Variants in WWP2 observed in about 807,000 individuals in gnomAD.
WWP2 encodes WW domain containing E3 ubiquitin protein ligase 2.
A neutral mutation model predicts 121.0 loss-of-function variants in WWP2; 57 were observed. The observed-to-expected ratio is 0.47, with a 90% CI of 0.38 to 0.59. The LOEUF is 0.59. WWP2 is among the 20% of genes least tolerant of loss of function. The probability of loss-of-function intolerance (pLI) is 0.00; values close to 1 mark genes in which losing one functional copy is unlikely to be tolerated. For synonymous variants in WWP2, 449 were observed against 441.3 expected, an observed-to-expected ratio of 1.02 and a Z score of -0.22; for missense variants, 962 against 1,158.9, an observed-to-expected ratio of 0.83 and a Z score of 2.47.
rs1275168572 is a variant in WWP2 at position 69,888,052 on chromosome 16, C to A, written c.717C>A (p.Pro239=). ...GLANGTVNDE[P]TTATDPEEPS... Reference sequence around the variant, plus strand: ...GTGCATCTTCAGTGAATGATGAACCCACAACAGCCACTGATCCCGAAGAAC... The same window carrying A: ...GTGCATCTTCAGTGAATGATGAACCAACAACAGCCACTGATCCCGAAGAAC... Residue 239 remains proline, a synonymous_variant, in exon 8 of 24, where the codon CCC becomes CCA. Coordinates refer to ENST00000359154, the MANE Select transcript of WWP2 (RefSeq NM_001270454.2). 2 of 1,614,036 alleles carry A rather than the reference C, an allele frequency of 1.2e-6. No individual in the cohort carries two copies. The highest frequency in any genetic ancestry group is 1.7e-6 in the Non-Finnish European group (2 of 1,180,036).
chr16:69,932,732 CTG>C (rs2058735497), intron 16 of WWP2, among the ~76,000 whole-genome samples: 1 of 152,196 alleles, frequency 6.6e-6, no homozygotes, highest in Non-Finnish European at 1.5e-5. Context: ...GTCAGTAAAA[CTG>C]TAACGGCTTA....
intron 6 of WWP2, among the ~76,000 whole-genome samples, chr16:69,859,564 A>AG (rs755292823): frequency 1.3e-5 from 2 of 152,096 alleles, no homozygotes; most frequent in East Asian, 3.9e-4. Context: ...TCAAAAAAAA[A>AG]GAAAAAGAAA....
intron 7 of WWP2, among the ~76,000 whole-genome samples, chr16:69,874,259 C>T (rs900041736): frequency 2.0e-5 from 3 of 152,098 alleles, no homozygotes; most frequent in Non-Finnish European, 2.9e-5. Flanking sequence ...TCACCTTTGC[C>T]GTGGGGAGCA....
In WWP2 at chr16:69,840,200, A is replaced by G. The variant is rs371454354; in HGVS notation, c.415A>G (p.Ile139Val). Residue 139 changes from isoleucine to valine, a missense_variant, in exon 5 of 24, where the codon ATT becomes GTT. This residue lies in a region of WWP2 where 145 missense variants were observed against 189.8 expected (regional missense o/e 0.76). Transcript: ENST00000359154. ...CGTTGTCTCAGGCGGAGAGCTGACA[A>G]TTTTCCTGGACGGGCCAACTGTTGA... is the stretch of plus-strand genomic sequence containing the variant. Reference protein sequence around the residue: ...GSVVSGGELTIFLDGPTVDLG... With the variant: ...GSVVSGGELTVFLDGPTVDLG... The G allele has an allele frequency of 2.2e-5, 35 of 1,614,008 alleles. No individual in the cohort carries two copies. The African/African-American group carries it at 3.6e-4, about 17-fold the overall frequency.
rs759653665 is a variant in WWP2 at position 69,939,099 on chromosome 16, G to A, written c.2416G>A (p.Val806Ile). 6.2e-6 allele frequency: 10 copies of A among 1,604,198 alleles called. No individual in the cohort carries two copies. Among genetic ancestry groups the A allele is most frequent in the South Asian group, 3.4e-5 (3 of 89,540 alleles). The change falls in exon 22 of 24, where the codon GTC becomes ATC. Residue 806 changes from valine to isoleucine, a missense_variant. Transcript: ENST00000359154. ...TGTCACCGGTACCTGCCGCCTGCCCGTCGGGGGATTTGCCGAACTCATCGG... is the reference window on the plus strand; with the variant it reads ...TGTCACCGGTACCTGCCGCCTGCCCATCGGGGGATTTGCCGAACTCATCGG... The part of the protein sequence containing the change: ...QFVTGTCRLP[V>I]GGFAELIGSN...
chr16:69,869,285 C>G (rs1197808887), intron 6 of WWP2, among the ~76,000 whole-genome samples: 7 of 151,872 alleles, frequency 4.6e-5, no homozygotes, highest in African/African-American at 1.7e-4. Flanking sequence ...TACTCTGTCT[C>G]CATTGCCATG....
Position 69,935,792 on chromosome 16 carries a change from A to G in WWP2, c.1843-61A>G, listed in dbSNP as rs1212930284. On this transcript the variant is annotated intron_variant, in intron 17 of 23. Transcript: ENST00000359154. The surrounding 1 kb of genome is among the most constrained non-coding windows in gnomAD (Gnocchi z 5.2). ...CAGAGTTTGATACCGAGCATCTGAG[A>G]GCTGGTCTTGGCAGTGCCCAGGGAA... The G allele has an allele frequency of 6.4e-7, 1 of 1,553,012 alleles. No individual in the cohort carries two copies. Among genetic ancestry groups the G allele is most frequent in the Non-Finnish European group, 8.7e-7 (1 of 1,153,018 alleles).
chr16:69,876,083 G>T (rs1200263098), intron 7 of WWP2, among the ~76,000 whole-genome samples: 2 of 152,006 alleles, frequency 1.3e-5, no homozygotes, highest in Non-Finnish European at 2.9e-5. Context: ...TCAGTCCCAG[G>T]AGTAGCTGGG....
chr16:69,807,896 C>T (rs552747331), intron 4 of WWP2, among the ~76,000 whole-genome samples: 60 of 152,142 alleles, frequency 3.9e-4, no homozygotes, highest in East Asian at 2.1e-3. Flanking sequence ...GAGATAGAGG[C>T]TGCAGTAAGC....
chr16:69,821,329 G>A (rs2056588479), intron 4 of WWP2, among the ~76,000 whole-genome samples: 2 of 152,298 alleles, frequency 1.3e-5, no homozygotes, highest in South Asian at 4.1e-4. Context: ...GAGAGCTGTT[G>A]GAAAGAAAAG....
At chr16:69,805,266 C>A (rs2056251518) in intron 4 of WWP2, among the ~76,000 whole-genome samples, 2 of 152,020 alleles carry the variant, frequency 1.3e-5, no homozygotes, top group African/African-American at 4.8e-5. Flanking sequence ...AAACTCCTGA[C>A]CTCAGGCGAT....
At position 69,830,552 on chromosome 16, in the gene WWP2, A is replaced by G. The variant is rs564124751; in HGVS notation, c.341-9574A>G. Among the ~76,000 whole-genome samples, 7 of 152,338 alleles carry G rather than the reference A, an allele frequency of 4.6e-5. No individual in the cohort carries two copies. In the South Asian group the frequency reaches 1.5e-3, roughly 32 times the overall value. Reference sequence around the variant, plus strand: ...GGTAGATTCCCAGCGGTAGTAGCCCAAAGAAGAGACTGCAAGACCAAGCCA... The same window carrying G: ...GGTAGATTCCCAGCGGTAGTAGCCCGAAGAAGAGACTGCAAGACCAAGCCA... On this transcript the variant is annotated intron_variant, in intron 4 of 23. Coordinates refer to ENST00000359154, the MANE Select transcript of WWP2 (RefSeq NM_001270454.2).
chr16:69,937,769 C>T lies in WWP2; in HGVS notation c.2343+117C>T, dbSNP rs2058821956. Reference sequence around the variant, plus strand: ...GCTTTGGCCCTGTCCTTGCCTCCCACACCTTGCAAAAGGAGACGATAGACC... The same window carrying T: ...GCTTTGGCCCTGTCCTTGCCTCCCATACCTTGCAAAAGGAGACGATAGACC... On this transcript the variant is annotated intron_variant, in intron 21 of 23. Coordinates refer to ENST00000359154, the MANE Select transcript of WWP2 (RefSeq NM_001270454.2). This position sits in a 1 kb window ranked among gnomAD's most constrained non-coding sequence, Gnocchi z 6.6. The T allele has an allele frequency of 1.1e-6, 1 of 935,662 alleles. No homozygotes were observed. Among genetic ancestry groups the T allele is most frequent in the Non-Finnish European group, 1.6e-6 (1 of 614,320 alleles). The allele number at this position is 935,662 out of a possible 1,614,324, so 58.0% of individuals were successfully genotyped here.
At position 69,933,691 on chromosome 16, in the gene WWP2, A is replaced by T. The variant is rs116910969; in HGVS notation, c.1683-279A>T. 3.9e-5 allele frequency among the ~76,000 whole-genome samples: 6 copies of T among 152,270 alleles called. No homozygotes were observed. In the East Asian group the frequency reaches 1.2e-3, roughly 29 times the overall value. On this transcript the variant is annotated intron_variant, in intron 16 of 23. Coordinates refer to ENST00000359154, the MANE Select transcript of WWP2 (RefSeq NM_001270454.2). ...TAGAAGCTCTGGATATTGTGATGTA[A>T]AGTCTTGGAACACATCACCTGGGAG...
chr16:69,921,812 G>A (rs1485265993), intron 10 of WWP2, among the ~76,000 whole-genome samples: 1 of 152,126 alleles, frequency 6.6e-6, no homozygotes, highest in African/African-American at 2.4e-5. Context: ...GGTGGCTCAC[G>A]CCTGTAATCC....
At chr16:69,845,318 GA>G (rs1382742883) in intron 6 of WWP2, among the ~76,000 whole-genome samples, 1 of 152,114 alleles carries the variant, frequency 6.6e-6, no homozygotes, top group African/African-American at 2.4e-5. Context: ...CTAAGCCTGG[GA>G]AGTGAGGCAT....
intron 1 of WWP2, 105 bp from the exon 2 acceptor site, chr16:69,786,891 C>G: frequency 3.0e-6 from 3 of 1,003,576 alleles, no homozygotes. Flanking sequence ...TTGGACGTTT[C>G]TATTTTCTTG....
At chr16:69,824,032 T>C (rs986476507) in intron 4 of WWP2, among the ~76,000 whole-genome samples, 3 of 152,196 alleles carry the variant, frequency 2.0e-5, no homozygotes, top group African/African-American at 4.8e-5. Context: ...GATTGTTGCC[T>C]GAATGTGAGC....
chr16:69,928,623 G>A (rs1256295686), intron 11 of WWP2, among the ~76,000 whole-genome samples: 1 of 152,174 alleles, frequency 6.6e-6, no homozygotes, highest in Non-Finnish European at 1.5e-5. Context: ...GAACAGGATA[G>A]GCAGGCCAGG....
Sources: gnomAD v4.1 joint callset for allele counts (sites outside exome capture counted in the v4.1 genomes callset) on GRCh38, gnomAD v4.1.1 for gene constraint, gnomAD v4.1.1 regional missense constraint, Gnocchi (gnomAD v3.1) non-coding constraint, MANE v1.5 for transcripts, NCBI Gene and HGNC (gene_info 2026-07-23, HGNC 2026-07-21) for gene names.